Variants in SASH1 observed in about 807,000 individuals in gnomAD.
SASH1 encodes the protein SAM and SH3 domain-containing protein 1.
In SASH1, 44 loss-of-function variants were observed where a neutral mutation model predicts 125.2. The observed-to-expected ratio is 0.35, with a 90% CI of 0.28 to 0.45. The LOEUF (loss-of-function observed/expected upper bound fraction) is 0.45, where lower values mean the gene tolerates loss of function less well. Ranked by LOEUF, SASH1 falls within the 20% of genes least tolerant of loss-of-function variation. The pLI, the probability that SASH1 is intolerant of heterozygous loss-of-function variation, is 1.00. For missense variants in SASH1, 1,426 were observed against 1,614.5 expected (o/e 0.88, Z 2.00); for synonymous variants, 639 against 649.1 (o/e 0.98, Z 0.24).
At chr6:148,437,459 A>G (rs1255124106) in intron 2 of SASH1, among the ~76,000 whole-genome samples, 1 of 152,268 alleles carries the variant, frequency 6.6e-6, no homozygotes, top group African/African-American at 2.4e-5. Flanking sequence ...AACATCAGTA[A>G]GCTGCCCTTG....
intron 2 of SASH1, among the ~76,000 whole-genome samples, chr6:148,436,934 A>T (rs1776315893): frequency 6.6e-6 from 1 of 152,234 alleles, no homozygotes; most frequent in Admixed American, 6.5e-5. Flanking sequence ...CTCAGTGTAC[A>T]ACATGCCCAA....
At position 148,533,923 on chromosome 6, in the gene SASH1, A is replaced by G. The variant is rs1781683412; in HGVS notation, c.1887A>G (p.Lys629=). 6.2e-7 allele frequency: 1 copy of G among 1,614,034 alleles called. No individual in the cohort carries two copies. Among genetic ancestry groups the G allele is most frequent in the South Asian group, 1.1e-5 (1 of 91,068 alleles). The part of the protein sequence containing the change: ...KPKRPTRRRR[K]GRPPQPKSVE... Reference sequence around the variant, plus strand: ...AACGCCCCACCAGGAGGCGTCGGAAAGGACGACCACCCCAGCCCAAGTCTG... The same window carrying G: ...AACGCCCCACCAGGAGGCGTCGGAAGGGACGACCACCCCAGCCCAAGTCTG... The change falls in exon 15 of 20, where the codon AAA becomes AAG. Residue 629 remains lysine (K), a synonymous_variant. Coordinates refer to ENST00000367467, the MANE Select transcript of SASH1 (RefSeq NM_015278.5). The surrounding 1 kb of genome is among the most constrained non-coding windows in gnomAD (Gnocchi z 6.2).
In SASH1 at chr6:148,532,644, C is replaced by T. The variant is rs1781589249; in HGVS notation, c.1565-153C>T. Reference sequence around the variant, plus strand: ...GGGATAGCACTCGGAGAATTCATAACTGGGCCCTGCCCTGGTCCTGACAGA... The same window carrying T: ...GGGATAGCACTCGGAGAATTCATAATTGGGCCCTGCCCTGGTCCTGACAGA... On this transcript the variant is annotated intron_variant, in intron 13 of 19. Coordinates refer to ENST00000367467, the MANE Select transcript of SASH1 (RefSeq NM_015278.5). The surrounding 1 kb of genome is among the most constrained non-coding windows in gnomAD (Gnocchi z 4.7). Among the ~76,000 whole-genome samples, 1 of 152,224 alleles carries T rather than the reference C, an allele frequency of 6.6e-6. No homozygotes were observed. Among genetic ancestry groups the T allele is most frequent in the Admixed American group, 6.5e-5 (1 of 15,282 alleles).
chr6:148,509,832 G>T (rs575568756), intron 8 of SASH1, among the ~76,000 whole-genome samples: 1 of 152,186 alleles, frequency 6.6e-6, no homozygotes, highest in Non-Finnish European at 1.5e-5. Context: ...ATCATCCAGC[G>T]TGTAGCTGTG....
intron 2 of SASH1, among the ~76,000 whole-genome samples, chr6:148,413,412 A>C (rs1784699944): frequency 6.6e-6 from 1 of 152,078 alleles, no homozygotes; most frequent in African/African-American, 2.4e-5. Context: ...ATTGGAATGG[A>C]TAGGGCTAAC....
chr6:148,211,551 A>G, the SASH1 span, among the ~76,000 whole-genome samples: 1 of 151,644 alleles, frequency 6.6e-6, no homozygotes, highest in East Asian at 1.9e-4. Context: ...AGCCTGGGCT[A>G]TACAGCAAGA....
At chr6:148,336,414 G>A (rs1207410987) in intron 1 of SASH1, among the ~76,000 whole-genome samples, 3 of 152,050 alleles carry the variant, frequency 2.0e-5, no homozygotes, top group Non-Finnish European at 4.4e-5. Context: ...CCGACCTCAG[G>A]TGATCCGCCC....
chr6:148,424,246 G>C (rs79892136), intron 2 of SASH1, among the ~76,000 whole-genome samples: 21 of 145,704 alleles, frequency 1.4e-4, no homozygotes, highest in Admixed American at 6.1e-4. Flanking sequence ...TTTTTTTTTG[G>C]GGGGGGGAGG....
intron 1 of SASH1, among the ~76,000 whole-genome samples, chr6:148,283,959 C>T (rs1431851391): frequency 6.6e-6 from 1 of 151,458 alleles, no homozygotes; most frequent in Non-Finnish European, 1.5e-5. Context: ...CCAGGAAGAA[C>T]CAGAAATTCC....
intron 1 of SASH1, among the ~76,000 whole-genome samples, chr6:148,282,786 T>C (rs1482062888): frequency 6.6e-6 from 1 of 151,992 alleles, no homozygotes; most frequent in African/African-American, 2.4e-5. Context: ...AATTGGGGGC[T>C]AGAGGCAGAA....
At chr6:148,535,703 T>G (rs1289358216) in intron 16 of SASH1, among the ~76,000 whole-genome samples, 1 of 152,218 alleles carries the variant, frequency 6.6e-6, no homozygotes, top group Non-Finnish European at 1.5e-5. Flanking sequence ...CTCAGTCTTA[T>G]CTTGCTCTGT....
chr6:148,440,665 G>T, intron 4 of SASH1: 1 of 474,220 alleles, frequency 2.1e-6, no homozygotes, highest in Non-Finnish European at 3.7e-6. Context: ...ATAAATCTCC[G>T]GAAATAGAAA....
At chr6:148,297,999 G>T (rs1779808166) in intron 1 of SASH1, among the ~76,000 whole-genome samples, 1 of 148,838 alleles carries the variant, frequency 6.7e-6, no homozygotes. Flanking sequence ...GCAACTAATT[G>T]ATTATTATAT....
chr6:148,289,499 C>T (rs143327899), intron 1 of SASH1, among the ~76,000 whole-genome samples: 2 of 152,214 alleles, frequency 1.3e-5, no homozygotes, highest in African/African-American at 4.8e-5. Flanking sequence ...CTGCCCCTTA[C>T]GCATCTCTGG....
At chr6:148,248,133 A>G in the SASH1 span, among the ~76,000 whole-genome samples, 4 of 152,208 alleles carry the variant, frequency 2.6e-5, no homozygotes, top group East Asian at 1.9e-4. Context: ...TTCTTTTACA[A>G]TCCTCCAAAC....
chr6:148,317,424 A>G (rs1005890564), intron 1 of SASH1, among the ~76,000 whole-genome samples: 3 of 152,104 alleles, frequency 2.0e-5, no homozygotes, highest in Admixed American at 6.6e-5. Context: ...GAGGAAAAAA[A>G]TTTTTTTTGT....
At chr6:148,309,676 A>G (rs2128517952) in intron 1 of SASH1, among the ~76,000 whole-genome samples, 1 of 151,976 alleles carries the variant, frequency 6.6e-6, no homozygotes, top group East Asian at 1.9e-4. Context: ...TTAAAAAAAA[A>G]AAAAAAAAGC....
the SASH1 span, among the ~76,000 whole-genome samples, chr6:148,262,349 C>T: frequency 1.5e-4 from 23 of 152,192 alleles, no homozygotes; most frequent in South Asian, 4.1e-3. Flanking sequence ...ATTTTTCCTC[C>T]TGAGTCATCA....
chr6:148,230,507 T>G, the SASH1 span, among the ~76,000 whole-genome samples: 2 of 152,174 alleles, frequency 1.3e-5, no homozygotes, highest in Non-Finnish European at 2.9e-5. Context: ...TATGTTTTAT[T>G]TCTCTTAGGT....
Sources: allele counts gnomAD v4.1 joint callset (sites outside exome capture counted in the v4.1 genomes callset), GRCh38; gene constraint gnomAD v4.1.1; non-coding constraint Gnocchi (gnomAD v3.1); transcripts MANE v1.5; gene names NCBI Gene and HGNC (gene_info 2026-07-23, HGNC 2026-07-21).